TPCN1: variants seen among roughly 807,000 people sequenced by gnomAD.
The protein encoded by TPCN1 is two pore channel protein 1.
A neutral mutation model predicts 108.8 loss-of-function variants in TPCN1; 52 were observed. The observed-to-expected ratio is 0.48, with a 90% CI of 0.38 to 0.60. The LOEUF is 0.60. Among genes scored for constraint, TPCN1 ranks in the 20% least tolerant of loss-of-function variants. The probability of loss-of-function intolerance (pLI) is 0.00; values close to 1 mark genes in which losing one functional copy is unlikely to be tolerated. For synonymous variants in TPCN1, 446 were observed against 433.7 expected, an observed-to-expected ratio of 1.03 and a Z score of -0.35; for missense variants, 806 against 1,072.8, an observed-to-expected ratio of 0.75 and a Z score of 3.47.
chr12:113,242,062 G>C (rs562169698), intron 2 of TPCN1, among the ~76,000 whole-genome samples: 8 of 152,252 alleles, frequency 5.3e-5, no homozygotes, highest in Admixed American at 5.2e-4. Context: ...AAACCGGGGG[G>C]CATGCTGTAG....
intron 23 of TPCN1, 82 bp from the exon 24 acceptor site, chr12:113,291,527 C>T (rs1322731307): frequency 3.3e-6 from 4 of 1,223,530 alleles, no homozygotes; most frequent in Non-Finnish European, 4.7e-6. Flanking sequence ...CTGCGAAGAG[C>T]CGGGGCCATG....
At chr12:113,223,602 G>A (rs1317914757) in intron 1 of TPCN1, among the ~76,000 whole-genome samples, 1 of 152,060 alleles carries the variant, frequency 6.6e-6, no homozygotes, top group East Asian at 1.9e-4. Context: ...GGAGTGTAGT[G>A]GCGTGATCTC....
chr12:113,278,868 G>C (rs775910320), intron 14 of TPCN1, 33 bp downstream of exon 14: 1 of 1,606,374 alleles, frequency 6.2e-7, no homozygotes, highest in Non-Finnish European at 8.5e-7. Flanking sequence ...GGTGTTGGCA[G>C]CTGGGGGCCG....
intron 22 of TPCN1, 77 bp downstream of exon 22, chr12:113,290,320 G>A: frequency 9.5e-7 from 1 of 1,055,826 alleles, no homozygotes; most frequent in Non-Finnish European, 1.4e-6. Flanking sequence ...GGGTCCCAGA[G>A]GTGGTGTAGC....
At chr12:113,243,503 C>T (rs1420303219) in intron 2 of TPCN1, among the ~76,000 whole-genome samples, 1 of 152,154 alleles carries the variant, frequency 6.6e-6, no homozygotes, top group Non-Finnish European at 1.5e-5. Context: ...CCTATAATCC[C>T]AGCACTTTGG....
chr12:113,227,795 G>T (rs185094771), intron 2 of TPCN1, among the ~76,000 whole-genome samples: 3 of 152,152 alleles, frequency 2.0e-5, no homozygotes, highest in Non-Finnish European at 4.4e-5. Flanking sequence ...AAGGAGAGAC[G>T]AGCCAGGCTC....
chr12:113,279,951 G>A (rs575952525), intron 14 of TPCN1, among the ~76,000 whole-genome samples, 200 bp from the exon 15 acceptor site: 2 of 152,230 alleles, frequency 1.3e-5, no homozygotes, highest in African/African-American at 2.4e-5. Flanking sequence ...TTGTCTGGGG[G>A]TCTGAGCAGA....
At chr12:113,238,705 C>T (rs989778441) in intron 2 of TPCN1, among the ~76,000 whole-genome samples, 4 of 152,196 alleles carry the variant, frequency 2.6e-5, no homozygotes, top group African/African-American at 7.2e-5. Context: ...ACCTCTTTCT[C>T]TGCTCTTCAC....
intron 2 of TPCN1, among the ~76,000 whole-genome samples, chr12:113,238,152 T>C (rs1953965365): frequency 6.6e-6 from 1 of 152,224 alleles, no homozygotes; most frequent in Admixed American, 6.5e-5. Context: ...TGGAGAAACC[T>C]ATCCTCATAG....
chr12:113,230,152 C>A (rs375544927), intron 2 of TPCN1, among the ~76,000 whole-genome samples: 1 of 152,122 alleles, frequency 6.6e-6, no homozygotes, highest in Admixed American at 6.5e-5. Flanking sequence ...CCCTTCCTGA[C>A]AGAGCTAATT....
intron 2 of TPCN1, among the ~76,000 whole-genome samples, chr12:113,242,116 T>C (rs1243467176): frequency 6.6e-6 from 1 of 152,064 alleles, no homozygotes; most frequent in Non-Finnish European, 1.5e-5. Context: ...GATTAGACAA[T>C]AAAAATGACC....
At chr12:113,282,137 C>G (rs577826331) in intron 15 of TPCN1, among the ~76,000 whole-genome samples, 20 of 145,240 alleles carry the variant, frequency 1.4e-4, no homozygotes, top group South Asian at 8.8e-4. Context: ...GTCACCCAGG[C>G]TGGAGTGCAG....
At position 113,267,836 on chromosome 12, in the gene TPCN1, G is replaced by C. The variant is rs1469772109; in HGVS notation, c.415-7G>C. ...CCATGACACATCTCCACACCCTCTG[G>C]TCTCAGGTCCACGCCACCCTGGAGC... is the stretch of plus-strand genomic sequence containing the variant. On this transcript the variant is annotated splice_region_variant and splice_polypyrimidine_tract_variant and intron_variant, in intron 4 of 27. Transcript: ENST00000335509. The C allele has an allele frequency of 6.2e-7, 1 of 1,607,834 alleles. No homozygotes were observed. Among genetic ancestry groups the C allele is most frequent in the Admixed American group, 1.7e-5 (1 of 60,006 alleles).
At chr12:113,248,408 G>A (rs191783709) in intron 2 of TPCN1, among the ~76,000 whole-genome samples, 2 of 152,370 alleles carry the variant, frequency 1.3e-5, no homozygotes, top group East Asian at 3.9e-4. Context: ...CATTCCAGGC[G>A]GGGAAACAGG....
intron 2 of TPCN1, chr12:113,245,812 C>T (rs1954358930): frequency 2.6e-6 from 1 of 383,508 alleles, no homozygotes; most frequent in South Asian, 1.9e-5. Flanking sequence ...AGGGGTGGGT[C>T]GTGGAAGCCT....
intron 2 of TPCN1, among the ~76,000 whole-genome samples, chr12:113,233,750 C>A (rs1216410780): frequency 1.3e-5 from 2 of 152,226 alleles, no homozygotes; most frequent in East Asian, 3.9e-4. Flanking sequence ...GTGCTGCTAT[C>A]ATTTGGTCCT....
intron 2 of TPCN1, among the ~76,000 whole-genome samples, chr12:113,234,855 A>G (rs1953824927): frequency 6.6e-6 from 1 of 152,166 alleles, no homozygotes; most frequent in African/African-American, 2.4e-5. Flanking sequence ...ATTAGAACCT[A>G]TATTTTTAAT....
At chr12:113,224,896 G>A (rs1481965862) in intron 1 of TPCN1, among the ~76,000 whole-genome samples, 4 of 152,064 alleles carry the variant, frequency 2.6e-5, no homozygotes, top group Admixed American at 6.5e-5. Flanking sequence ...GATTACAGGC[G>A]CAAGCCACCA....
chr12:113,238,857 C>T (rs996019661), intron 2 of TPCN1, among the ~76,000 whole-genome samples: 8 of 152,138 alleles, frequency 5.3e-5, no homozygotes, highest in African/African-American at 7.2e-5. Context: ...GGGAGCCAGG[C>T]GCAGTGGTTC....
Sources: allele counts gnomAD v4.1 joint callset (sites outside exome capture counted in the v4.1 genomes callset), GRCh38; gene constraint gnomAD v4.1.1; transcripts MANE v1.5; gene names NCBI Gene and HGNC (gene_info 2026-07-23, HGNC 2026-07-21).